KCNIP4: variants seen among roughly 807,000 people sequenced by gnomAD.
KCNIP4 encodes potassium voltage-gated channel interacting protein 4, also known as Kv channel-interacting protein 4.
KCNIP4 carries 12 observed loss-of-function variants against 34.0 expected under a neutral mutation model. That is an observed-to-expected ratio of 0.35 (90% CI 0.23 to 0.57). The LOEUF is 0.57. Ranked by LOEUF, KCNIP4 falls within the 20% of genes least tolerant of loss-of-function variation. KCNIP4 has a pLI of 0.83. For missense variants in KCNIP4, 238 were observed against 311.7 expected, an observed-to-expected ratio of 0.76 and a Z score of 1.78; for synonymous variants, 124 against 102.2, an observed-to-expected ratio of 1.21 and a Z score of -1.29.
intron 1 of KCNIP4, among the ~76,000 whole-genome samples, chr4:20,910,293 G>A (rs1049403909): frequency 6.6e-6 from 1 of 152,004 alleles, no homozygotes; most frequent in African/African-American, 2.4e-5. Context: ...ATGTGTGTGT[G>A]TGTGTGTGTA....
chr4:20,830,794 C>T (rs554016867), intron 3 of KCNIP4, among the ~76,000 whole-genome samples: 10 of 152,260 alleles, frequency 6.6e-5, no homozygotes, highest in Admixed American at 1.3e-4. Context: ...GTTACATCTT[C>T]GGCAGAAACT....
At chr4:21,808,869 A>G (rs1721457183) in intron 1 of KCNIP4, among the ~76,000 whole-genome samples, 1 of 152,210 alleles carries the variant, frequency 6.6e-6, no homozygotes, top group African/African-American at 2.4e-5. Flanking sequence ...GCTCTACTAG[A>G]GCTCTCAAGG....
chr4:21,037,804 A>ATT (rs577723582), intron 1 of KCNIP4, among the ~76,000 whole-genome samples: 2 of 148,496 alleles, frequency 1.3e-5, no homozygotes, highest in Admixed American at 6.7e-5. Flanking sequence ...CTCAACTTGG[A>ATT]TTTTTTTTTT....
intron 1 of KCNIP4, among the ~76,000 whole-genome samples, chr4:20,980,222 T>C (rs1735936977): frequency 6.6e-6 from 1 of 152,242 alleles, no homozygotes; most frequent in South Asian, 2.1e-4. Flanking sequence ...GAGGGCACTT[T>C]AATGTTCATC....
chr4:20,983,996 G>A, intron 1 of KCNIP4: 1 of 1,520,050 alleles, frequency 6.6e-7, no homozygotes, highest in Non-Finnish European at 8.8e-7. Context: ...CAGAATCGTA[G>A]CAACGTCAGG....
At chr4:20,870,959 C>CA (rs1024847095) in intron 2 of KCNIP4, among the ~76,000 whole-genome samples, 20 of 152,130 alleles carry the variant, frequency 1.3e-4, no homozygotes, top group African/African-American at 4.3e-4. Context: ...GACATTCACA[C>CA]ACCCTGTGCA....
At chr4:20,812,748 G>C (rs1001619241) in intron 3 of KCNIP4, among the ~76,000 whole-genome samples, 1 of 152,052 alleles carries the variant, frequency 6.6e-6, no homozygotes, top group Admixed American at 6.6e-5. Context: ...TTCCTCCCTT[G>C]AACTTGATAG....
intron 1 of KCNIP4, among the ~76,000 whole-genome samples, chr4:21,752,625 A>G (rs908756663): frequency 2.0e-5 from 3 of 152,202 alleles, no homozygotes; most frequent in Middle Eastern, 6.3e-3. Flanking sequence ...GAAAAATTCT[A>G]TTCTTTCCTG....
intron 1 of KCNIP4, among the ~76,000 whole-genome samples, chr4:21,756,990 G>T (rs1717574535): frequency 6.6e-6 from 1 of 151,130 alleles, no homozygotes; most frequent in African/African-American, 2.4e-5. Context: ...ACAGCTACTT[G>T]GGAGGCTGAG....
At chr4:21,409,290 T>G (rs532969202) in intron 1 of KCNIP4, among the ~76,000 whole-genome samples, 1 of 151,600 alleles carries the variant, frequency 6.6e-6, no homozygotes, top group South Asian at 2.1e-4. Context: ...AAAAAAAACT[T>G]CTATTTTGGA....
At chr4:21,852,235 G>A (rs1724457891) in intron 1 of KCNIP4, 1 of 152,202 alleles carries the variant, frequency 6.6e-6, no homozygotes, top group Admixed American at 6.5e-5. Flanking sequence ...GCAGCTCATT[G>A]GTTTATTCAG....
intron 1 of KCNIP4, among the ~76,000 whole-genome samples, chr4:21,634,612 A>C (rs993614445): frequency 6.6e-6 from 1 of 152,300 alleles, no homozygotes; most frequent in Non-Finnish European, 1.5e-5. Flanking sequence ...CACATCACTC[A>C]TTCATATTTA....
intron 1 of KCNIP4, among the ~76,000 whole-genome samples, chr4:21,338,301 T>C (rs1716388655): frequency 6.6e-6 from 1 of 151,148 alleles, no homozygotes; most frequent in Non-Finnish European, 1.5e-5. Flanking sequence ...TTTGTATTTT[T>C]ATCCAGAAGG....
At chr4:21,882,495 A>T (rs1176175239) in intron 1 of KCNIP4, among the ~76,000 whole-genome samples, 1 of 152,134 alleles carries the variant, frequency 6.6e-6, no homozygotes, top group Admixed American at 6.6e-5. Flanking sequence ...AGTTAAGAAA[A>T]ATATGCATTT....
At chr4:21,267,677 C>A (rs2109123856) in intron 1 of KCNIP4, among the ~76,000 whole-genome samples, 1 of 142,926 alleles carries the variant, frequency 7.0e-6, no homozygotes, top group East Asian at 2.0e-4. Context: ...ATTGAACCAG[C>A]CTTGCATCCC....
chr4:21,832,705 G>C (rs1424902544), intron 1 of KCNIP4, among the ~76,000 whole-genome samples: 1 of 143,676 alleles, frequency 7.0e-6, no homozygotes, highest in African/African-American at 2.6e-5. Context: ...TCGTCATCTA[G>C]CATTAGGTAT....
chr4:20,791,681 A>C (rs1053917302), intron 3 of KCNIP4, among the ~76,000 whole-genome samples: 6 of 152,324 alleles, frequency 3.9e-5, no homozygotes, highest in Middle Eastern at 3.4e-3. Context: ...TGTGATGCTT[A>C]AGTTTATATG....
intron 2 of KCNIP4, among the ~76,000 whole-genome samples, chr4:20,855,257 G>T (rs1721447631): frequency 6.6e-6 from 1 of 152,156 alleles, no homozygotes; most frequent in Non-Finnish European, 1.5e-5. Flanking sequence ...TGGCCTATAG[G>T]AATTCTCTCT....
At chr4:21,863,569 G>C (rs12512603) in intron 1 of KCNIP4, among the ~76,000 whole-genome samples, 108,590 of 151,726 alleles carry the variant, frequency 0.72, 44,332 homozygotes, top group East Asian at 0.89. Flanking sequence ...GAGAGGCACA[G>C]AACAAATAGG....
Sources: allele counts gnomAD v4.1 joint callset (sites outside exome capture counted in the v4.1 genomes callset), GRCh38; gene constraint gnomAD v4.1.1; transcripts MANE v1.5; gene names NCBI Gene and HGNC (gene_info 2026-07-23, HGNC 2026-07-21).